The following PTPRG variants were observed in gnomAD, a reference collection of about 807,000 sequenced individuals.
PTPRG encodes protein tyrosine phosphatase receptor type G.
Under a neutral mutation model 165.3 loss-of-function variants are expected in PTPRG, and 102 were observed. The observed-to-expected ratio is 0.62, with a 90% CI of 0.53 to 0.73. The LOEUF (loss-of-function observed/expected upper bound fraction) is 0.73, where lower values mean the gene tolerates loss of function less well. Among genes scored for constraint, PTPRG ranks in the 30% least tolerant of loss-of-function variants. PTPRG has a pLI of 0.00. For synonymous variants in PTPRG, 675 were observed against 669.5 expected (o/e 1.01, Z -0.13); for missense variants, 1,866 against 1,861.4 (o/e 1.00, Z -0.05).
At chr3:61,803,479 TCATGTTGTC>T (rs573112258) in intron 2 of PTPRG, among the ~76,000 whole-genome samples, 8 of 127,296 alleles carry the variant, frequency 6.3e-5, no homozygotes, top group Non-Finnish European at 1.3e-4. Flanking sequence ...ACAACATGGT[TCATGTTGTC>T]CATGTTGTCC....
At chr3:61,799,399 G>T (rs1459868721) in intron 2 of PTPRG, among the ~76,000 whole-genome samples, 4 of 152,130 alleles carry the variant, frequency 2.6e-5, no homozygotes, top group African/African-American at 9.7e-5. Flanking sequence ...TCTACCTAAT[G>T]TCTTTTCTGT....
intron 19 of PTPRG, among the ~76,000 whole-genome samples, chr3:62,268,442 C>T (rs1314738678): frequency 1.3e-5 from 2 of 152,016 alleles, no homozygotes; most frequent in African/African-American, 4.8e-5. Flanking sequence ...CACATGATTC[C>T]CTATGTAACA....
chr3:62,272,177 C>T (rs1021020820), intron 21 of PTPRG, among the ~76,000 whole-genome samples: 7 of 151,866 alleles, frequency 4.6e-5, no homozygotes, highest in Non-Finnish European at 7.4e-5. Context: ...AAAAATATGA[C>T]GTTAAACACA....
At chr3:61,824,421 A>G (rs1004240812) in intron 2 of PTPRG, among the ~76,000 whole-genome samples, 13 of 152,218 alleles carry the variant, frequency 8.5e-5, no homozygotes, top group Admixed American at 2.0e-4. Context: ...GGATAGGTGG[A>G]TGGAAGAAAA....
chr3:61,881,045 G>A (rs2037875894), intron 2 of PTPRG, among the ~76,000 whole-genome samples: 1 of 150,660 alleles, frequency 6.6e-6, no homozygotes. Context: ...ATCATTTGTG[G>A]CCCTGTCCTT....
Position 62,203,844 on chromosome 3 carries a change from G to A in PTPRG, c.2049G>A (p.Glu683=), listed in dbSNP as rs2106841483. ...AAGTGCCCCCCACCGCCACAGAGGA[G>A]CAGTATGCAGGGAGTGATCCCAAGA... is the stretch of plus-strand genomic sequence containing the variant. ...STQVPPTATE[E]QYAGSDPKRP... Residue 683 remains glutamate (E), a synonymous_variant, in exon 12 of 30, where the codon GAG becomes GAA. Coordinates refer to ENST00000474889, the MANE Select transcript of PTPRG (RefSeq NM_002841.4). The surrounding 1 kb of genome is among the most constrained non-coding windows in gnomAD (Gnocchi z 6.4). 6.2e-7 allele frequency: 1 copy of A among 1,614,168 alleles called. No individual in the cohort carries two copies. The highest frequency in any genetic ancestry group is 1.1e-5 in the South Asian group (1 of 91,078).
chr3:61,793,007 A>C (rs1426365809), intron 2 of PTPRG, among the ~76,000 whole-genome samples: 3 of 152,180 alleles, frequency 2.0e-5, no homozygotes, highest in African/African-American at 7.2e-5. Flanking sequence ...GATTACAGGC[A>C]TGAGCCTGTA....
At chr3:61,828,122 A>T (rs887183054) in intron 2 of PTPRG, among the ~76,000 whole-genome samples, 4 of 152,192 alleles carry the variant, frequency 2.6e-5, no homozygotes, top group South Asian at 4.1e-4. Context: ...ATGTGATTTT[A>T]GTCTTCTACA....
chr3:61,652,270 A>C (rs1702374317), intron 1 of PTPRG, among the ~76,000 whole-genome samples: 1 of 152,210 alleles, frequency 6.6e-6, no homozygotes, highest in South Asian at 2.1e-4. Flanking sequence ...TCGCCACTGC[A>C]CTCCAACCTG....
chr3:62,061,225 A>C (rs1193132221), intron 4 of PTPRG, among the ~76,000 whole-genome samples: 1 of 152,222 alleles, frequency 6.6e-6, no homozygotes, highest in East Asian at 1.9e-4. Context: ...GGGAATTACA[A>C]ACCAGACTTC....
At chr3:61,678,933 A>C (rs1428373376) in intron 1 of PTPRG, among the ~76,000 whole-genome samples, 1 of 151,046 alleles carries the variant, frequency 6.6e-6, no homozygotes, top group Non-Finnish European at 1.5e-5. Flanking sequence ...ATTATGTGCA[A>C]TTTTTTTTTC....
intron 2 of PTPRG, chr3:61,769,498 C>T (rs2034139822): frequency 6.6e-6 from 1 of 152,228 alleles, no homozygotes; most frequent in African/African-American, 2.4e-5. Flanking sequence ...GCCTCGAATT[C>T]CTGGCCTTAA....
chr3:61,853,104 G>T (rs1237977405), intron 2 of PTPRG, among the ~76,000 whole-genome samples: 1 of 152,156 alleles, frequency 6.6e-6, no homozygotes, highest in South Asian at 2.1e-4. Flanking sequence ...CGGAGCTTAC[G>T]TTCTACTGTG....
chr3:61,594,926 G>C (rs1280267980), intron 1 of PTPRG, among the ~76,000 whole-genome samples: 2 of 152,140 alleles, frequency 1.3e-5, no homozygotes, highest in African/African-American at 2.4e-5. Flanking sequence ...AATTGACAGG[G>C]AATTGTTACA....
chr3:62,085,891 G>T (rs1340679372), intron 5 of PTPRG, among the ~76,000 whole-genome samples: 2 of 152,184 alleles, frequency 1.3e-5, no homozygotes, highest in Non-Finnish European at 2.9e-5. Flanking sequence ...CAAAGTAGTT[G>T]AGGGACAGTA....
intron 2 of PTPRG, among the ~76,000 whole-genome samples, chr3:61,794,144 T>G (rs1446686978): frequency 6.6e-6 from 1 of 152,186 alleles, no homozygotes; most frequent in Non-Finnish European, 1.5e-5. Flanking sequence ...TTATCTAAAT[T>G]CTGTCTTTCC....
intron 4 of PTPRG, among the ~76,000 whole-genome samples, chr3:62,009,173 A>G (rs1009948588): frequency 2.0e-5 from 3 of 152,202 alleles, no homozygotes; most frequent in African/African-American, 7.2e-5. Flanking sequence ...GGGCCATTGT[A>G]TGGGTCTCAT....
chr3:61,871,404 T>A lies in PTPRG; in HGVS notation c.191-118221T>A, dbSNP rs540500936. On this transcript the variant is annotated intron_variant, in intron 2 of 29. Transcript: ENST00000474889. ...ACCACATCTAGCTAATTAAAAAAAA[T>A]TTTTTTTTGGAGAGATGGGGTCTTA... Among the ~76,000 whole-genome samples, 88 of 151,576 alleles carry A rather than the reference T, an allele frequency of 5.8e-4. 1 individual carries two copies. The highest frequency in any genetic ancestry group is 2.9e-3 in the East Asian group (15 of 5,132).
intron 1 of PTPRG, among the ~76,000 whole-genome samples, chr3:61,608,578 G>A (rs1701077946): frequency 6.6e-6 from 1 of 152,182 alleles, no homozygotes; most frequent in East Asian, 1.9e-4. Flanking sequence ...GAGCTGACCT[G>A]GAAGGGAAGG....
Sources: gnomAD v4.1 joint callset for allele counts (sites outside exome capture counted in the v4.1 genomes callset) on GRCh38, gnomAD v4.1.1 for gene constraint, Gnocchi (gnomAD v3.1) non-coding constraint, MANE v1.5 for transcripts, NCBI Gene and HGNC (gene_info 2026-07-23, HGNC 2026-07-21) for gene names.